The following INTS8 variants were observed in gnomAD, a reference collection of about 807,000 sequenced individuals.
The protein encoded by INTS8 is integrator complex subunit 8.
Under a neutral mutation model 138.9 loss-of-function variants are expected in INTS8, and 47 were observed. The observed-to-expected ratio is 0.34, with a 90% CI of 0.27 to 0.43. The LOEUF (loss-of-function observed/expected upper bound fraction) is 0.43, where lower values mean the gene tolerates loss of function less well. Ranked by LOEUF, INTS8 falls within the 20% of genes least tolerant of loss-of-function variation. The probability of loss-of-function intolerance (pLI) is 1.00; values close to 1 mark genes in which losing one functional copy is unlikely to be tolerated. For synonymous variants in INTS8, 392 were observed against 400.9 expected (o/e 0.98, Z 0.27); for missense variants, 996 against 1,173.0 (o/e 0.85, Z 2.20).
intron 21 of INTS8, among the ~76,000 whole-genome samples, chr8:94,872,642 C>T (rs1412389354): frequency 3.3e-5 from 5 of 152,092 alleles, no homozygotes; most frequent in African/African-American, 1.2e-4. Flanking sequence ...TATTTTTATT[C>T]TTGAAGATAG....
intron 21 of INTS8, 53 bp from the exon 22 acceptor site, chr8:94,873,321 C>G: frequency 8.4e-7 from 1 of 1,187,988 alleles, no homozygotes; most frequent in African/African-American, 1.5e-5. Flanking sequence ...ACAAAGGAAT[C>G]CCTGTTTTTC....
Position 94,856,869 on chromosome 8 carries a change from G to C in INTS8, c.1845G>C (p.Met615Ile). 3 of 1,614,150 alleles carry C rather than the reference G, an allele frequency of 1.9e-6. No homozygotes were observed. Among genetic ancestry groups the C allele is most frequent in the East Asian group, 4.5e-5 (2 of 44,886 alleles). Residue 615 changes from methionine (M) to isoleucine (I), a missense_variant, in exon 15 of 27, where the codon ATG (methionine) becomes ATC (isoleucine). Met to Ile is a conservative substitution (Grantham distance 10). Coordinates refer to ENST00000523731, the MANE Select transcript of INTS8 (RefSeq NM_017864.4). ...TTCGTCAGGTCATGCTGAATGAGAT[G>C]TTGCTTTTGGATATTCATACACACG... ...PKLRQVMLNE[M>I]LLLDIHTHEA...
chr8:94,832,398 G>A (rs770600953), intron 6 of INTS8, among the ~76,000 whole-genome samples: 2 of 152,176 alleles, frequency 1.3e-5, no homozygotes, highest in South Asian at 2.1e-4. Context: ...TTTCCGGATT[G>A]TATTTAGGAG....
intron 14 of INTS8, among the ~76,000 whole-genome samples, chr8:94,855,727 G>T (rs529555882): frequency 3.4e-4 from 51 of 152,152 alleles, no homozygotes; most frequent in Non-Finnish European, 5.7e-4. Flanking sequence ...ACATATTAGA[G>T]AAATATTTAG....
At chr8:94,834,990 G>A (rs975466196) in intron 6 of INTS8, among the ~76,000 whole-genome samples, 4 of 152,182 alleles carry the variant, frequency 2.6e-5, no homozygotes, top group African/African-American at 9.7e-5. Context: ...ATGGGGACTT[G>A]AGAAGACTGG....
chr8:94,853,758 G>C (rs1815639028), intron 13 of INTS8, 47 bp from the exon 14 acceptor site: 1 of 984,680 alleles, frequency 1.0e-6, no homozygotes, highest in Non-Finnish European at 1.6e-6. Flanking sequence ...TCTAGATTTG[G>C]CTTCCTCTAT....
At position 94,851,696 on chromosome 8, in the gene INTS8, A is replaced by G. The variant is rs1815552493; in HGVS notation, c.1641+10A>G. 8 of 1,578,022 alleles carry G rather than the reference A, an allele frequency of 5.1e-6. No individual in the cohort carries two copies. Among genetic ancestry groups the G allele is most frequent in the Middle Eastern group, 1.7e-4 (1 of 5,996 alleles). On this transcript the variant is annotated intron_variant, in intron 13 of 26. Coordinates refer to ENST00000523731, the MANE Select transcript of INTS8 (RefSeq NM_017864.4). The stretch of plus-strand genomic sequence containing the variant: ...GACAGTGTCTAATAAGGTAAACCCT[A>G]TGTCAAGAACAGATAAGAAAATTGC...
At chr8:94,851,812 A>G (rs1815556608) in intron 13 of INTS8, 126 bp downstream of exon 13, 5 of 627,238 alleles carry the variant, frequency 8.0e-6, no homozygotes, top group Admixed American at 3.2e-5. Context: ...AGACCTTCAT[A>G]TGAACATAAT....
At chr8:94,870,061 T>A (rs11777132) in intron 20 of INTS8, among the ~76,000 whole-genome samples, 27,083 of 151,656 alleles carry the variant, frequency 0.18, 2,581 homozygotes, top group Middle Eastern at 0.27. Context: ...TTATTTATTT[T>A]TTTTTTTTGA....
intron 7 of INTS8, among the ~76,000 whole-genome samples, chr8:94,837,856 G>A (rs941503230): frequency 1.8e-4 from 28 of 151,906 alleles, no homozygotes; most frequent in African/African-American, 6.8e-4. Flanking sequence ...AGTCTCTATT[G>A]CATATTCTTA....
At position 94,836,435 on chromosome 8, in the gene INTS8, G is replaced by T; in HGVS notation, c.754-89G>T. 3 of 945,652 alleles carry T rather than the reference G, an allele frequency of 3.2e-6. No individual in the cohort carries two copies. In the Admixed American group the frequency reaches 6.9e-5, roughly 22 times the overall value. The allele number at this position is 945,652 out of a possible 1,614,324, so 58.6% of individuals were successfully genotyped here. On this transcript the variant is annotated intron_variant, in intron 6 of 26. Transcript: ENST00000523731. ...TGTTTTTTTATGTCTTTTTTTCTGT[G>T]TTTTCGTGAGATAAAGACAGTTTTG...
At chr8:94,867,103 T>C (rs1816205063) in intron 18 of INTS8, 37 bp from the exon 19 acceptor site, 2 of 1,462,966 alleles carry the variant, frequency 1.4e-6, no homozygotes, top group African/African-American at 1.4e-5. Flanking sequence ...TAAATATACA[T>C]ACACTGTTTA....
chr8:94,824,592 T>C (rs1367818910), intron 1 of INTS8, among the ~76,000 whole-genome samples: 1 of 152,118 alleles, frequency 6.6e-6, no homozygotes, highest in African/African-American at 2.4e-5. Context: ...GAACCAGAAA[T>C]CTATGACTGT....
rs1015698586 is a variant in INTS8 at position 94,876,504 on chromosome 8, G to A, written c.2871+15G>A. ...GACAAATTGCAGTAAGTTACCTTAT[G>A]CCTTTCTTCAGTGGTACAGTTTCCA... is the stretch of plus-strand genomic sequence containing the variant. On this transcript the variant is annotated intron_variant, in intron 26 of 26. Transcript: ENST00000523731. The A allele has an allele frequency of 2.6e-6, 4 of 1,509,722 alleles. No individual in the cohort carries two copies. Among genetic ancestry groups the A allele is most frequent in the South Asian group, 2.4e-5 (2 of 84,208 alleles). 93.5% of individuals were successfully genotyped at this position (1,509,722 alleles called of 1,614,324 possible). A position where few individuals can be genotyped will look rare whatever the true frequency, so the allele number is the denominator to read the frequency against.
intron 20 of INTS8, among the ~76,000 whole-genome samples, chr8:94,871,351 G>A (rs540154010): frequency 8.6e-5 from 13 of 151,368 alleles, no homozygotes; most frequent in Admixed American, 2.0e-4. Context: ...GGTGGTGAGC[G>A]CCTGTAATCC....
chr8:94,846,948 C>T (rs1290124997), intron 10 of INTS8, among the ~76,000 whole-genome samples: 1 of 152,204 alleles, frequency 6.6e-6, no homozygotes, highest in Non-Finnish European at 1.5e-5. Context: ...CCAACTAGGT[C>T]ATGATCGTTT....
chr8:94,871,937 G>C lies in INTS8; in HGVS notation c.2468G>C (p.Arg823Pro). 3.1e-6 allele frequency: 5 copies of C among 1,610,176 alleles called. No individual in the cohort carries two copies. Among genetic ancestry groups the C allele is most frequent in the Non-Finnish European group, 2.5e-6 (3 of 1,177,062 alleles). ...AVAITVKELV[R>P]YTLSINPNNH... Reference sequence around the variant, plus strand: ...GCAATCACAGTGAAAGAGCTAGTTCGATATACACTCAGTATAAATCCAAAT... The same window carrying C: ...GCAATCACAGTGAAAGAGCTAGTTCCATATACACTCAGTATAAATCCAAAT... The change falls in exon 21 of 27, where the codon CGA (arginine) becomes CCA (proline). Residue 823 changes from arginine to proline, a missense_variant. Coordinates refer to ENST00000523731, the MANE Select transcript of INTS8 (RefSeq NM_017864.4).
chr8:94,873,238 A>G, intron 21 of INTS8, 136 bp from the exon 22 acceptor site: 1 of 747,962 alleles, frequency 1.3e-6, no homozygotes, highest in Non-Finnish European at 2.4e-6. Context: ...AAGAAATACG[A>G]ACTAACATTT....
chr8:94,857,097 G>A lies in INTS8; in HGVS notation c.1954+119G>A. On this transcript the variant is annotated intron_variant, in intron 15 of 26. Transcript: ENST00000523731. ...TTTTTTTTTTTTTTTTTTTGAGATG[G>A]AGTGTAGCTCTGTCACCCAGGCTGG... 4.1e-5 allele frequency: 30 copies of A among 727,136 alleles called. No individual in the cohort carries two copies. The South Asian group carries it at 5.4e-4, about 13-fold the overall frequency. 45.0% of individuals were successfully genotyped at this position (727,136 alleles called of 1,614,324 possible). A position where few individuals can be genotyped will look rare whatever the true frequency, so the allele number is the denominator to read the frequency against.
Sources: gnomAD v4.1 joint callset for allele counts (sites outside exome capture counted in the v4.1 genomes callset) on GRCh38, gnomAD v4.1.1 for gene constraint, MANE v1.5 for transcripts, NCBI Gene and HGNC (gene_info 2026-07-23, HGNC 2026-07-21) for gene names.